The following FAM135B variants were observed in gnomAD, a reference collection of about 807,000 sequenced individuals.
FAM135B encodes the protein family with sequence similarity 135 member B.
FAM135B carries 43 observed loss-of-function variants against 127.7 expected under a neutral mutation model. The observed-to-expected ratio is 0.34, with a 90% CI of 0.26 to 0.43. The LOEUF is 0.43. Among genes scored for constraint, FAM135B ranks in the 20% least tolerant of loss-of-function variants. FAM135B has a pLI of 1.00. For synonymous variants in FAM135B, 670 were observed against 665.1 expected, an observed-to-expected ratio of 1.01 and a Z score of -0.11; for missense variants, 1,558 against 1,725.6, an observed-to-expected ratio of 0.90 and a Z score of 1.72.
rs562744117 is a variant in FAM135B, at chr8:138,321,346, T to A, written c.78-10426A>T. On this transcript the variant is annotated intron_variant, in intron 2 of 19. Coordinates refer to ENST00000395297, the MANE Select transcript of FAM135B (RefSeq NM_015912.4). ...CTATCCTCTGGCATCACAGCTGGGATGAAGCTGGGAGAAGGCATGATGCTT... is the reference window on the plus strand; with the variant it reads ...CTATCCTCTGGCATCACAGCTGGGAAGAAGCTGGGAGAAGGCATGATGCTT... Among the ~76,000 whole-genome samples, 10 of 152,318 alleles carry A rather than the reference T, an allele frequency of 6.6e-5. No homozygotes were observed. The East Asian group carries it at 1.9e-3, about 29-fold the overall frequency.
At chr8:138,240,444 G>T (rs1400577749) in intron 7 of FAM135B, among the ~76,000 whole-genome samples, 1 of 152,172 alleles carries the variant, frequency 6.6e-6, no homozygotes, top group African/African-American at 2.4e-5. Context: ...CCTCCCATTT[G>T]GTTACTGGCT....
chr8:138,491,414 C>A (rs1435713396), intron 1 of FAM135B, among the ~76,000 whole-genome samples: 1 of 152,180 alleles, frequency 6.6e-6, no homozygotes, highest in Non-Finnish European at 1.5e-5. Context: ...GAAATTTGAT[C>A]TTGGTAGTCT....
intron 2 of FAM135B, among the ~76,000 whole-genome samples, chr8:138,360,592 G>A (rs1830357779): frequency 6.6e-6 from 1 of 152,208 alleles, no homozygotes; most frequent in Non-Finnish European, 1.5e-5. Flanking sequence ...GGCTAGCAAA[G>A]AGAGGCTGAG....
At chr8:138,389,782 G>A (rs553413882) in intron 1 of FAM135B, among the ~76,000 whole-genome samples, 4 of 152,248 alleles carry the variant, frequency 2.6e-5, no homozygotes, top group South Asian at 2.1e-4. Context: ...CTACTGAATC[G>A]TTCACTTTAA....
In FAM135B at chr8:138,243,525, C is replaced by G. The variant is rs572783769; in HGVS notation, c.543-457G>C. On this transcript the variant is annotated intron_variant, in intron 6 of 19. Coordinates refer to ENST00000395297, the MANE Select transcript of FAM135B (RefSeq NM_015912.4). The surrounding 1 kb of genome is among the most constrained non-coding windows in gnomAD (Gnocchi z 7.5). The stretch of plus-strand genomic sequence containing the variant: ...AGCATAAAACATCTTCCTCCATGAT[C>G]CGCATGAGAGTCTAATACGATGTCA... Among the ~76,000 whole-genome samples the G allele has an allele frequency of 5.9e-5, 9 of 152,328 alleles. No homozygotes were observed. The highest frequency in any genetic ancestry group is 2.1e-4 in the South Asian group (1 of 4,826).
rs190669976 is a variant in FAM135B at position 138,153,815 on chromosome 8, C to T, written c.1259-599G>A. The stretch of plus-strand genomic sequence containing the variant: ...AGCTCAAACTGGGTGGAGCCCACCA[C>T]AGCTAAAGGAGGCCTGCCTGCCTCT... On this transcript the variant is annotated intron_variant, in intron 12 of 19. Transcript: ENST00000395297. 2.8e-3 allele frequency among the ~76,000 whole-genome samples: 429 copies of T among 152,304 alleles called. 4 individuals are homozygous for T. The highest frequency in any genetic ancestry group is 9.7e-3 in the African/African-American group (403 of 41,566).
chr8:138,218,506 G>C (rs1401723124), intron 7 of FAM135B, among the ~76,000 whole-genome samples: 4 of 152,186 alleles, frequency 2.6e-5, no homozygotes, highest in Admixed American at 2.0e-4. Context: ...CCTTAGAAAA[G>C]ATTCCTGGCG....
chr8:138,239,056 A>G (rs913754188), intron 7 of FAM135B, among the ~76,000 whole-genome samples: 4 of 152,238 alleles, frequency 2.6e-5, no homozygotes, highest in Non-Finnish European at 5.9e-5. Flanking sequence ...GCTATACTGT[A>G]TCATGGGCCT....
chr8:138,291,663 T>A (rs528236584), intron 3 of FAM135B, among the ~76,000 whole-genome samples: 3 of 152,246 alleles, frequency 2.0e-5, no homozygotes, highest in Admixed American at 6.5e-5. Flanking sequence ...TAATACAGCA[T>A]ATCAACAGAA....
intron 12 of FAM135B, among the ~76,000 whole-genome samples, chr8:138,166,313 C>T (rs116767490): frequency 0.014 from 2,199 of 152,314 alleles, 39 homozygotes; most frequent in Middle Eastern, 0.051. Context: ...GGACAAGAAA[C>T]GAGCCTTGAC....
intron 5 of FAM135B, among the ~76,000 whole-genome samples, chr8:138,252,810 G>A (rs1821792852): frequency 6.6e-6 from 1 of 152,126 alleles, no homozygotes; most frequent in Non-Finnish European, 1.5e-5. Flanking sequence ...TTAGTTTTTG[G>A]AGATGGAGTC....
intron 1 of FAM135B, among the ~76,000 whole-genome samples, chr8:138,416,037 T>C (rs1340418566): frequency 6.6e-6 from 1 of 152,172 alleles, no homozygotes; most frequent in Non-Finnish European, 1.5e-5. Flanking sequence ...CATTCATGCC[T>C]GGTCCTCAAT....
chr8:138,418,915 T>C (rs1305750154), intron 1 of FAM135B, among the ~76,000 whole-genome samples: 1 of 141,222 alleles, frequency 7.1e-6, no homozygotes, highest in Non-Finnish European at 1.5e-5. Context: ...CTTAAGCACA[T>C]AGCGCACTGA....
At chr8:138,244,588 T>C (rs1449473324) in intron 6 of FAM135B, among the ~76,000 whole-genome samples, 1 of 152,180 alleles carries the variant, frequency 6.6e-6, no homozygotes, top group Admixed American at 6.5e-5. Flanking sequence ...ATACCACACA[T>C]ATAATAAAAT....
At position 138,243,081 on chromosome 8, in the gene FAM135B, T is replaced by C. The variant is rs780937306; in HGVS notation, c.543-13A>G. 1.2e-6 allele frequency: 2 copies of C among 1,602,140 alleles called. No individual in the cohort carries two copies. The highest frequency in any genetic ancestry group is 1.3e-5 in the African/African-American group (1 of 74,142). Reference sequence around the variant, plus strand: ...TGGACGAGTAAAACTAAACAAAAGATAATTGAAAGGGTGAAAAAGGAGGTA... The same window carrying C: ...TGGACGAGTAAAACTAAACAAAAGACAATTGAAAGGGTGAAAAAGGAGGTA... On this transcript the variant is annotated splice_polypyrimidine_tract_variant and intron_variant, in intron 6 of 19. Transcript: ENST00000395297. The surrounding 1 kb of genome is among the most constrained non-coding windows in gnomAD (Gnocchi z 7.5).
At chr8:138,158,676 C>T (rs933757023) in intron 12 of FAM135B, among the ~76,000 whole-genome samples, 7 of 152,138 alleles carry the variant, frequency 4.6e-5, no homozygotes, top group Non-Finnish European at 7.3e-5. Context: ...ATGCAGCCAA[C>T]AGACACATGA....
chr8:138,191,582 G>A (rs1004352564), intron 9 of FAM135B, among the ~76,000 whole-genome samples: 1 of 152,158 alleles, frequency 6.6e-6, no homozygotes, highest in African/African-American at 2.4e-5. Context: ...TGAGCAAGGG[G>A]TCACCACTGA....
intron 12 of FAM135B, among the ~76,000 whole-genome samples, chr8:138,155,783 C>A (rs1490024854): frequency 6.6e-6 from 1 of 152,116 alleles, no homozygotes; most frequent in Non-Finnish European, 1.5e-5. Context: ...CAGGAGCACC[C>A]AGATTCATAA....
At chr8:138,224,623 T>G (rs1819272244) in intron 7 of FAM135B, among the ~76,000 whole-genome samples, 1 of 152,170 alleles carries the variant, frequency 6.6e-6, no homozygotes, top group Non-Finnish European at 1.5e-5. Context: ...CCTAAACAGT[T>G]AAAATACAAC....
Sources: gnomAD v4.1 joint callset for allele counts (sites outside exome capture counted in the v4.1 genomes callset) on GRCh38, gnomAD v4.1.1 for gene constraint, Gnocchi (gnomAD v3.1) non-coding constraint, MANE v1.5 for transcripts, NCBI Gene and HGNC (gene_info 2026-07-23, HGNC 2026-07-21) for gene names.